Variants in DNAJC1 observed in about 807,000 individuals in gnomAD.
The protein encoded by DNAJC1 is dnaJ homolog subfamily C member 1.
A neutral mutation model predicts 76.6 loss-of-function variants in DNAJC1; 58 were observed. The ratio of observed to expected loss-of-function variants is 0.76; its 90% confidence interval spans 0.61 to 0.94. The LOEUF (loss-of-function observed/expected upper bound fraction) is 0.94. DNAJC1 is among the 40% of genes least tolerant of loss of function. The pLI, the probability that DNAJC1 is intolerant of heterozygous loss-of-function variation, is 0.00. For synonymous variants in DNAJC1, 258 were observed against 267.9 expected (o/e 0.96, Z 0.36); for missense variants, 689 against 677.3 (o/e 1.02, Z -0.19).
intron 8 of DNAJC1, among the ~76,000 whole-genome samples, chr10:21,817,212 G>A (rs1835091519): frequency 6.7e-6 from 1 of 149,702 alleles, no homozygotes; most frequent in Admixed American, 6.7e-5. Flanking sequence ...ATCTGTTTGA[G>A]GACCTTCTTT....
rs1253499433 is a variant in DNAJC1, at chr10:21,800,747, G to A, written c.1098+5233C>T. Reference sequence around the variant, plus strand: ...TAAAGTCTCTAGAATGATATACAACGTTTATACATTGTTTATACAATGTTA... The same window carrying A: ...TAAAGTCTCTAGAATGATATACAACATTTATACATTGTTTATACAATGTTA... On this transcript the variant is annotated intron_variant, in intron 9 of 11. Coordinates refer to ENST00000376980, the MANE Select transcript of DNAJC1 (RefSeq NM_022365.4). 2.6e-5 allele frequency among the ~76,000 whole-genome samples: 4 copies of A among 152,020 alleles called. 1 individual carries two copies. Among genetic ancestry groups the A allele is most frequent in the South Asian group, 2.1e-4 (1 of 4,830 alleles).
chr10:21,810,946 G>A (rs1834954876), intron 8 of DNAJC1, among the ~76,000 whole-genome samples: 1 of 152,168 alleles, frequency 6.6e-6, no homozygotes, highest in African/African-American at 2.4e-5. Context: ...ACTCTTGACT[G>A]CAGTTTGCCT....
At chr10:21,938,981 C>T (rs1564833110) in intron 1 of DNAJC1, among the ~76,000 whole-genome samples, 1 of 152,192 alleles carries the variant, frequency 6.6e-6, no homozygotes, top group Non-Finnish European at 1.5e-5. Context: ...ACCTCCGCCT[C>T]CCAGATTCAA....
At chr10:21,884,704 G>A (rs1214102331) in intron 7 of DNAJC1, among the ~76,000 whole-genome samples, 2 of 152,146 alleles carry the variant, frequency 1.3e-5, no homozygotes, top group African/African-American at 4.8e-5. Flanking sequence ...CTTTTACAAT[G>A]AGAAGTATGA....
intron 7 of DNAJC1, among the ~76,000 whole-genome samples, chr10:21,883,254 ACACACAC>A (rs1836311890): frequency 8.2e-6 from 1 of 121,256 alleles, no homozygotes; most frequent in Admixed American, 7.9e-5. Flanking sequence ...TATCTCAAAC[ACACACAC>A]ACACACACAC....
chr10:21,884,062 G>T (rs1836328439), intron 7 of DNAJC1, among the ~76,000 whole-genome samples: 1 of 152,058 alleles, frequency 6.6e-6, no homozygotes, highest in African/African-American at 2.4e-5. Context: ...AAATCTACTT[G>T]TACTATTTAA....
At chr10:21,940,805 C>T (rs1356499941) in intron 1 of DNAJC1, among the ~76,000 whole-genome samples, 3 of 152,054 alleles carry the variant, frequency 2.0e-5, no homozygotes, top group Non-Finnish European at 4.4e-5. Context: ...CAACTATCCA[C>T]AGAACAAAAT....
intron 8 of DNAJC1, among the ~76,000 whole-genome samples, chr10:21,824,686 G>A (rs1389571792): frequency 2.0e-5 from 3 of 152,288 alleles, no homozygotes; most frequent in East Asian, 3.9e-4. Flanking sequence ...TCACAAGGCT[G>A]TCACAAACCT....
At chr10:21,794,208 T>C (rs1228481252) in intron 9 of DNAJC1, among the ~76,000 whole-genome samples, 1 of 149,892 alleles carries the variant, frequency 6.7e-6, no homozygotes, top group Non-Finnish European at 1.5e-5. Context: ...AGTTCAAAGT[T>C]TCAGTTATCT....
intron 1 of DNAJC1, among the ~76,000 whole-genome samples, chr10:21,988,732 A>G (rs183688315): frequency 6.6e-6 from 1 of 152,266 alleles, no homozygotes; most frequent in African/African-American, 2.4e-5. Flanking sequence ...AATGTTATTT[A>G]CCCCAGAAAG....
At chr10:21,942,525 G>A (rs1364364008) in intron 1 of DNAJC1, among the ~76,000 whole-genome samples, 2 of 151,900 alleles carry the variant, frequency 1.3e-5, no homozygotes, top group Non-Finnish European at 2.9e-5. Flanking sequence ...AAATATAAGC[G>A]GCCGGGCGCG....
intron 10 of DNAJC1, among the ~76,000 whole-genome samples, chr10:21,761,635 A>T (rs183963362): frequency 7.9e-5 from 12 of 152,232 alleles, no homozygotes; most frequent in African/African-American, 2.9e-4. Flanking sequence ...CTTAGTCTGC[A>T]TTCCTGGTCT....
intron 1 of DNAJC1, among the ~76,000 whole-genome samples, chr10:21,953,128 A>G (rs950076030): frequency 1.3e-5 from 2 of 152,130 alleles, no homozygotes; most frequent in Admixed American, 1.3e-4. Flanking sequence ...GAACATATAT[A>G]TTCTTTAAAA....
At chr10:21,940,960 C>T (rs886308771) in intron 1 of DNAJC1, among the ~76,000 whole-genome samples, 3 of 151,632 alleles carry the variant, frequency 2.0e-5, no homozygotes, top group Admixed American at 6.6e-5. Flanking sequence ...ATTTAAGAGA[C>T]AGAACAACTG....
intron 10 of DNAJC1, among the ~76,000 whole-genome samples, chr10:21,764,783 C>T (rs1834277256): frequency 6.6e-6 from 1 of 152,196 alleles, no homozygotes; most frequent in Admixed American, 6.5e-5. Context: ...ATATTTGTGA[C>T]AAAGACCTTA....
At chr10:21,864,882 C>A (rs1835972771) in intron 8 of DNAJC1, among the ~76,000 whole-genome samples, 1 of 152,048 alleles carries the variant, frequency 6.6e-6, no homozygotes, top group Admixed American at 6.5e-5. Context: ...AACTCTTAAA[C>A]TGAGCAATAA....
chr10:21,792,140 T>C (rs913957383), intron 9 of DNAJC1, among the ~76,000 whole-genome samples: 1 of 152,182 alleles, frequency 6.6e-6, no homozygotes, highest in Non-Finnish European at 1.5e-5. Context: ...AATAAATCCC[T>C]AGAAATTACT....
At chr10:21,813,545 A>G (rs1339673741) in intron 8 of DNAJC1, among the ~76,000 whole-genome samples, 1 of 151,744 alleles carries the variant, frequency 6.6e-6, no homozygotes, top group East Asian at 1.9e-4. Flanking sequence ...ACAGGCGCCC[A>G]CCATCACGCC....
intron 8 of DNAJC1, among the ~76,000 whole-genome samples, chr10:21,806,508 C>CT (rs1032512466): frequency 0.013 from 1,938 of 145,876 alleles, 37 homozygotes; most frequent in African/African-American, 0.045. Flanking sequence ...AGGGCTCTCT[C>CT]TTTTTTTTTT....
Sources: gnomAD v4.1 joint callset for allele counts (sites outside exome capture counted in the v4.1 genomes callset) on GRCh38, gnomAD v4.1.1 for gene constraint, MANE v1.5 for transcripts, NCBI Gene and HGNC (gene_info 2026-07-23, HGNC 2026-07-21) for gene names.